The following PUDP variants were observed in gnomAD, a reference collection of about 807,000 sequenced individuals.
PUDP encodes the protein pseudouridine-5'-phosphatase.
PUDP carries 8 observed loss-of-function variants against 9.4 expected under a neutral mutation model. The ratio of observed to expected loss-of-function variants is 0.85; its 90% CI spans 0.50 to 1.53. The LOEUF (loss-of-function observed/expected upper bound fraction) is 1.53, where lower values mean the gene tolerates loss of function less well. PUDP is among the 40% of genes most tolerant of loss of function. PUDP has a pLI of 0.00. For synonymous variants in PUDP, 99 were observed against 80.7 expected (o/e 1.23, Z -1.22); for missense variants, 188 against 189.7 (o/e 0.99, Z 0.05).
At chrX:7,103,257 G>A (rs1175765733) in intron 2 of PUDP, among the ~76,000 whole-genome samples, 2 of 111,946 alleles carry the variant, frequency 1.8e-5, no homozygotes, top group African/African-American at 3.2e-5. Context: ...ACACTCTCAC[G>A]TATTTGTCAA....
At chrX:6,794,191 G>C (rs1925799998) in intron 3 of PUDP, among the ~76,000 whole-genome samples, 1 of 112,361 alleles carries the variant, frequency 8.9e-6, no homozygotes, top group South Asian at 3.7e-4. Flanking sequence ...GCGTCATTAG[G>C]ATGCAAACCT....
chrX:6,999,790 AAAT>A (rs1188128037), intron 1 of PUDP, among the ~76,000 whole-genome samples: 1 of 109,644 alleles, frequency 9.1e-6, no homozygotes, highest in Non-Finnish European at 1.9e-5. Flanking sequence ...TGAAAATAAA[AAAT>A]AATAATAATA....
rs1284365527 is a variant in PUDP, at chrX:6,717,720, G to A, written n.128+3697C>T. ...GTTCTCTAAAAGGGGAATTATCTTCGGTGGATTTGACTTGATTAGGTGAGG... is the reference window on the plus strand; with the variant it reads ...GTTCTCTAAAAGGGGAATTATCTTCAGTGGATTTGACTTGATTAGGTGAGG... On this transcript the variant is annotated intron_variant and non_coding_transcript_variant, in intron 1 of 2. Coordinates refer to the PUDP transcript ENST00000438499. Among the ~76,000 whole-genome samples the A allele has an allele frequency of 3.6e-5, 4 of 111,882 alleles. No individual in the cohort carries two copies. The East Asian group carries it at 1.1e-3, about 32-fold the overall frequency.
At chrX:6,868,379 T>C (rs959077798) in intron 3 of PUDP, among the ~76,000 whole-genome samples, 24 of 111,998 alleles carry the variant, frequency 2.1e-4, no homozygotes, top group African/African-American at 6.5e-4. Flanking sequence ...TAAGATTGTA[T>C]TGAACAGGTC....
downstream of PUDP, among the ~76,000 whole-genome samples, chrX:7,046,133 A>G (rs1415002600): frequency 8.9e-6 from 1 of 112,111 alleles, no homozygotes; most frequent in Non-Finnish European, 1.9e-5. Context: ...TATGAACTCA[A>G]TTTGCTCCAC....
intron 3 of PUDP, among the ~76,000 whole-genome samples, chrX:6,855,376 A>G (rs755350213): frequency 2.7e-5 from 3 of 111,841 alleles, no homozygotes; most frequent in Non-Finnish European, 5.6e-5. Flanking sequence ...TAAGTTTTTA[A>G]GGAGCCAAAA....
At chrX:7,083,424 CAG>C (rs1186434164) in intron 2 of PUDP, among the ~76,000 whole-genome samples, 1 of 111,346 alleles carries the variant, frequency 9.0e-6, no homozygotes, top group African/African-American at 3.3e-5. Flanking sequence ...AAAACAAAAA[CAG>C]AATGCTAGAA....
intron 3 of PUDP, among the ~76,000 whole-genome samples, chrX:6,968,252 C>T (rs1928816314): frequency 8.9e-6 from 1 of 112,304 alleles, no homozygotes; most frequent in Non-Finnish European, 1.9e-5. Context: ...TCACCACCAT[C>T]CGTGTAGTAC....
intron 3 of PUDP, among the ~76,000 whole-genome samples, chrX:6,809,453 C>T (rs185113500): frequency 2.8e-5 from 3 of 108,013 alleles, no homozygotes; most frequent in East Asian, 2.9e-4. Flanking sequence ...ACATCACACC[C>T]GACTAATTTA....
intron 2 of PUDP, among the ~76,000 whole-genome samples, chrX:7,090,409 T>G: frequency 9.0e-6 from 1 of 111,353 alleles, no homozygotes; most frequent in Non-Finnish European, 1.9e-5. Context: ...AGCAGAAATT[T>G]TTAAATTTAA....
At chrX:6,907,959 C>G (rs1362035654) in intron 3 of PUDP, among the ~76,000 whole-genome samples, 2 of 112,769 alleles carry the variant, frequency 1.8e-5, no homozygotes, top group Non-Finnish European at 3.8e-5. Context: ...TCATTGTTAT[C>G]TCCCCAGAGA....
At chrX:6,850,227 G>A (rs937956548) in intron 3 of PUDP, among the ~76,000 whole-genome samples, 1 of 111,851 alleles carries the variant, frequency 8.9e-6, no homozygotes, top group African/African-American at 3.2e-5. Context: ...TACATGCTGC[G>A]GTCATCACGC....
intron 3 of PUDP, among the ~76,000 whole-genome samples, chrX:6,790,171 TGACAGATAATA>T (rs1192146555): frequency 9.0e-6 from 1 of 111,330 alleles, no homozygotes; most frequent in Non-Finnish European, 1.9e-5. Context: ...GGAAGACAGA[TGACAGATAATA>T]GACAGATAAT....
chrX:6,933,613 T>C (rs1050300984), intron 3 of PUDP, among the ~76,000 whole-genome samples: 12 of 111,600 alleles, frequency 1.1e-4, no homozygotes, highest in Admixed American at 3.8e-4. Context: ...TCACCAGCAA[T>C]GGAACAAAGC....
chrX:7,020,176 G>T (rs1330898076), intron 1 of PUDP, among the ~76,000 whole-genome samples: 2 of 110,370 alleles, frequency 1.8e-5, no homozygotes, highest in African/African-American at 6.6e-5. Flanking sequence ...TTATTTTTTA[G>T]AGCTTCTCTG....
chrX:6,750,896 T>A (rs1183706438), intron 3 of PUDP, among the ~76,000 whole-genome samples: 1 of 111,140 alleles, frequency 9.0e-6, no homozygotes, highest in Non-Finnish European at 1.9e-5. Flanking sequence ...TCCCAGCACT[T>A]TGGGAGGCCG....
intron 3 of PUDP, among the ~76,000 whole-genome samples, chrX:6,920,784 G>A (rs536152457): frequency 4.5e-5 from 5 of 111,611 alleles, no homozygotes; most frequent in African/African-American, 1.3e-4. Flanking sequence ...GGCACACGTC[G>A]TCAGGACTTC....
chrX:7,147,842 G>C (rs1434061046), intron 1 of PUDP: 1 of 153,640 alleles, frequency 6.5e-6, no homozygotes, highest in Non-Finnish European at 1.3e-5. Flanking sequence ...CCGCGGCCAC[G>C]CGCGCCCGCC....
chrX:6,836,489 G>A (rs1191085634), intron 3 of PUDP, among the ~76,000 whole-genome samples: 1 of 111,982 alleles, frequency 8.9e-6, no homozygotes, highest in East Asian at 2.8e-4. Flanking sequence ...TCATGGTTTG[G>A]TAAGATGCTG....
Sources: gnomAD v4.1 joint callset for allele counts (sites outside exome capture counted in the v4.1 genomes callset) on GRCh38, gnomAD v4.1.1 for gene constraint, MANE v1.5 for transcripts, NCBI Gene and HGNC (gene_info 2026-07-23, HGNC 2026-07-21) for gene names.